Variants in EMSY observed in about 807,000 individuals in gnomAD.
EMSY encodes BRCA2-interacting transcriptional repressor EMSY.
A neutral mutation model predicts 134.6 loss-of-function variants in EMSY; 26 were observed. The ratio of observed to expected loss-of-function variants is 0.19; its 90% CI spans 0.14 to 0.27. The LOEUF (loss-of-function observed/expected upper bound fraction) is 0.27, where lower values mean the gene tolerates loss of function less well. Among genes scored for constraint, EMSY ranks in the 10% least tolerant of loss-of-function variants. The pLI is 1.00. For missense variants in EMSY, 1,305 were observed against 1,611.4 expected, an observed-to-expected ratio of 0.81 and a Z score of 3.26; for synonymous variants, 579 against 577.8, an observed-to-expected ratio of 1.00 and a Z score of -0.03.
chr11:76,467,746 C>G (rs867254621), intron 7 of EMSY, among the ~76,000 whole-genome samples: 1 of 152,000 alleles, frequency 6.6e-6, no homozygotes, highest in Non-Finnish European at 1.5e-5. Flanking sequence ...AATCCCAACA[C>G]TTTGGGAGGC....
intron 2 of EMSY, among the ~76,000 whole-genome samples, chr11:76,447,773 T>A (rs1177781620): frequency 6.6e-6 from 1 of 152,236 alleles, no homozygotes; most frequent in South Asian, 2.1e-4. Flanking sequence ...TTTTGTGTTC[T>A]GTAGTTCAAA....
Position 76,505,856 on chromosome 11 carries a change from C to CA in EMSY, c.1364-7520dup, listed in dbSNP as rs1297798671. 5.8e-3 allele frequency among the ~76,000 whole-genome samples: 792 copies of CA among 135,834 alleles called. 5 individuals carry two copies. Among genetic ancestry groups the CA allele is most frequent in the African/African-American group, 0.02 (731 of 36,616 alleles). 89.1% of individuals were successfully genotyped at this position (135,834 alleles called of 152,430 possible). ...TGGGCAACAGAGCGAGACTCTGTCT[C>CA]AAAAAAAAAAGAAAAAAAAATTTCA... On this transcript the variant is annotated intron_variant, in intron 9 of 20. Transcript: ENST00000334736.
chr11:76,453,919 G>A (rs1183242781), intron 4 of EMSY: 1 of 152,080 alleles, frequency 6.6e-6, no homozygotes, highest in Non-Finnish European at 1.5e-5. Context: ...AACGATTAAA[G>A]ATTCTTACCA....
chr11:76,468,654 G>A (rs1465284205), intron 7 of EMSY, among the ~76,000 whole-genome samples: 1 of 152,098 alleles, frequency 6.6e-6, no homozygotes, highest in Non-Finnish European at 1.5e-5. Flanking sequence ...TTTATATTAA[G>A]TATAATTATT....
At chr11:76,519,620 T>G (rs964570688) in intron 11 of EMSY, among the ~76,000 whole-genome samples, 7 of 152,208 alleles carry the variant, frequency 4.6e-5, no homozygotes, top group African/African-American at 1.7e-4. Flanking sequence ...GTTCATTCTT[T>G]GAGCAAAGCA....
chr11:76,545,701 G>A (rs770430949), intron 19 of EMSY, 96 bp from the exon 21 acceptor site: 14 of 1,379,974 alleles, frequency 1.0e-5, no homozygotes, highest in East Asian at 9.2e-5. Flanking sequence ...CTAGTATAGC[G>A]CACGAATGTT....
At chr11:76,472,476 A>G in intron 7 of EMSY, 88 bp from the exon 9 acceptor site, 1 of 1,234,734 alleles carries the variant, frequency 8.1e-7, no homozygotes, top group South Asian at 1.8e-5. Context: ...TTCATAAGCT[A>G]TTTTTAAATT....
chr11:76,487,248 G>A (rs997439625), intron 8 of EMSY, among the ~76,000 whole-genome samples: 1 of 152,194 alleles, frequency 6.6e-6, no homozygotes, highest in Non-Finnish European at 1.5e-5. Flanking sequence ...CCACTGCACT[G>A]CAGCCTGGGC....
chr11:76,499,571 G>A (rs900853087), intron 9 of EMSY, among the ~76,000 whole-genome samples: 2 of 152,076 alleles, frequency 1.3e-5, no homozygotes, highest in African/African-American at 2.4e-5. Context: ...GCAGGCATGA[G>A]CCACTGCGCC....
intron 12 of EMSY, among the ~76,000 whole-genome samples, chr11:76,524,748 G>A (rs936916238): frequency 3.3e-5 from 5 of 152,200 alleles, no homozygotes; most frequent in Non-Finnish European, 4.4e-5. Flanking sequence ...TCTGGGCTGG[G>A]TGTGGAGGCT....
intron 15 of EMSY, among the ~76,000 whole-genome samples, chr11:76,536,940 C>T (rs1951244780): frequency 6.6e-6 from 1 of 152,144 alleles, no homozygotes; most frequent in Non-Finnish European, 1.5e-5. Flanking sequence ...AGGTTATGTA[C>T]TCAGTGGGTA....
intron 13 of EMSY, among the ~76,000 whole-genome samples, chr11:76,528,027 G>A (rs945821062): frequency 6.6e-6 from 1 of 151,964 alleles, no homozygotes; most frequent in Non-Finnish European, 1.5e-5. Context: ...CAGGCACAAA[G>A]GTTCTTGTCA....
At chr11:76,535,912 C>A in exon 15 of EMSY, 1 of 1,531,988 alleles carries the variant, frequency 6.5e-7, no homozygotes, top group Non-Finnish European at 8.8e-7. Context: ...GCCTGTAGTT[C>A]ATGTAATTGC....
chr11:76,461,146 G>C (rs958731099), intron 6 of EMSY: 1 of 152,146 alleles, frequency 6.6e-6, no homozygotes, highest in Non-Finnish European at 1.5e-5. Flanking sequence ...GGTGAGAGAG[G>C]AAGTGAGAGA....
intron 19 of EMSY, among the ~76,000 whole-genome samples, chr11:76,545,461 C>A (rs1260898860): frequency 6.6e-6 from 1 of 151,978 alleles, no homozygotes; most frequent in East Asian, 1.9e-4. Context: ...TTTTAAAAAG[C>A]AGAAGATTAT....
intron 8 of EMSY, among the ~76,000 whole-genome samples, chr11:76,490,215 C>T (rs1362195416): frequency 1.3e-5 from 2 of 150,230 alleles, no homozygotes; most frequent in Admixed American, 6.6e-5. Context: ...TTTATTTCCT[C>T]GACTCGGTAG....
At position 76,470,430 on chromosome 11, in the gene EMSY, T is replaced by C. The variant is rs79621893; in HGVS notation, c.832-2134T>C. ...CACGTATCATAGAATTGTTAGGAGA[T>C]TTAAATAAGCCAATACATATTAGCC... On this transcript the variant is annotated intron_variant, in intron 7 of 20. Coordinates refer to ENST00000334736, the Ensembl canonical transcript of EMSY. Among the ~76,000 whole-genome samples, 1,421 of 152,288 alleles carry C rather than the reference T, an allele frequency of 9.3e-3. 22 individuals carry two copies. The highest frequency in any genetic ancestry group is 0.033 in the African/African-American group (1,355 of 41,572).
rs2136122685 is a variant in EMSY, at chr11:76,513,606, A to G, written c.1513+71A>G. 6 of 1,516,354 alleles carry G rather than the reference A, an allele frequency of 4.0e-6. No homozygotes were observed. The East Asian group carries it at 1.4e-4, about 35-fold the overall frequency. The allele number at this position is 1,516,354 out of a possible 1,614,324, so 93.9% of individuals were successfully genotyped here. A position where few individuals can be genotyped will look rare whatever the true frequency, so the allele number is the denominator to read the frequency against. On this transcript the variant is annotated intron_variant, in intron 10 of 20. Transcript: ENST00000334736. ...CAAACAGTTTCTCTGTACCAGCAAT[A>G]TGCTTGACACTTGGGATATAGAGAT... is the stretch of plus-strand genomic sequence containing the variant.
intron 14 of EMSY, among the ~76,000 whole-genome samples, chr11:76,528,703 G>A (rs1950932277): frequency 6.6e-6 from 1 of 150,568 alleles, no homozygotes; most frequent in South Asian, 2.1e-4. Flanking sequence ...AACTTTAGAT[G>A]ATGAATCTGT....
Sources: gnomAD v4.1 joint callset for allele counts (sites outside exome capture counted in the v4.1 genomes callset) on GRCh38, gnomAD v4.1.1 for gene constraint, MANE v1.5 for transcripts, NCBI Gene and HGNC (gene_info 2026-07-23, HGNC 2026-07-21) for gene names.